Variants in STMN4 observed in about 807,000 individuals in gnomAD.
STMN4 encodes stathmin-4.
Under a neutral mutation model 29.1 loss-of-function variants are expected in STMN4, and 12 were observed. The ratio of observed to expected loss-of-function variants is 0.41; its 90% CI spans 0.26 to 0.67. STMN4 has a LOEUF of 0.67. Ranked by LOEUF, STMN4 falls within the 30% of genes least tolerant of loss-of-function variation. The pLI is 0.30. For synonymous variants in STMN4, 114 were observed against 105.3 expected (o/e 1.08, Z -0.51); for missense variants, 181 against 262.8 (o/e 0.69, Z 2.15).
chr8:27,256,259 A>G (rs1279248145), intron 1 of STMN4, among the ~76,000 whole-genome samples: 1 of 152,210 alleles, frequency 6.6e-6, no homozygotes, highest in African/African-American at 2.4e-5. Context: ...CAGTTTTGCC[A>G]AATGAAAAGA....
At chr8:27,241,533 C>T (rs2130068543) in intron 4 of STMN4, 144 bp downstream of exon 4, 4 of 1,072,222 alleles carry the variant, frequency 3.7e-6, no homozygotes, top group African/African-American at 1.6e-5. Flanking sequence ...GCCTTTGCTT[C>T]CCCCACCAGC....
intron 1 of STMN4, among the ~76,000 whole-genome samples, chr8:27,251,337 T>C (rs1435882916): frequency 1.6e-5 from 2 of 127,714 alleles, no homozygotes; most frequent in Non-Finnish European, 3.4e-5. Flanking sequence ...CGTGTATATA[T>C]ATTATATATA....
intron 1 of STMN4, among the ~76,000 whole-genome samples, chr8:27,251,339 T>A (rs1563421250): frequency 8.6e-6 from 1 of 115,678 alleles, no homozygotes; most frequent in African/African-American, 3.2e-5. Context: ...TGTATATATA[T>A]TATATATATA....
intron 3 of STMN4, 92 bp downstream of exon 3, chr8:27,242,305 G>A: frequency 8.1e-7 from 1 of 1,240,116 alleles, no homozygotes; most frequent in Non-Finnish European, 1.2e-6. Context: ...CGGGAGGAGA[G>A]ATTCACGGGA....
At chr8:27,239,507 C>G in intron 6 of STMN4, 1 of 699,220 alleles carries the variant, frequency 1.4e-6, no homozygotes, top group Non-Finnish European at 2.3e-6. Context: ...GGGTCTGTGT[C>G]AAGAGGTTTA....
intron 1 of STMN4, among the ~76,000 whole-genome samples, chr8:27,249,457 C>G (rs143442440): frequency 6.6e-6 from 1 of 152,142 alleles, no homozygotes; most frequent in Non-Finnish European, 1.5e-5. Context: ...CAGTCCCACA[C>G]GATAAACAAC....
chr8:27,239,489 G>T, intron 6 of STMN4: 1 of 677,778 alleles, frequency 1.5e-6, no homozygotes, highest in Non-Finnish European at 2.4e-6. Flanking sequence ...AAAGACCTGT[G>T]ACTCACTGGG....
chr8:27,251,310 A>ATATATATACGTATATACGTGTATATATAT (rs1801778672), intron 1 of STMN4, among the ~76,000 whole-genome samples: 2 of 141,580 alleles, frequency 1.4e-5, no homozygotes, highest in African/African-American at 2.6e-5. Flanking sequence ...ATATAATATT[A>ATATATATACGTATATACGTGTATATATAT]TATATATACG....
chr8:27,237,289 C>T (rs966895468), intron 6 of STMN4, among the ~76,000 whole-genome samples: 6 of 152,238 alleles, frequency 3.9e-5, no homozygotes, highest in African/African-American at 1.4e-4. Context: ...GCAGAACAGA[C>T]AGGCCTCACT....
intron 1 of STMN4, among the ~76,000 whole-genome samples, chr8:27,255,878 C>A (rs958790546): frequency 3.9e-5 from 6 of 152,220 alleles, no homozygotes; most frequent in African/African-American, 1.4e-4. Context: ...GTCCCTCCAC[C>A]TCTAGTCGAC....
In STMN4 at chr8:27,241,701, C is replaced by A. The variant is rs746279028; in HGVS notation, c.166G>T (p.Asp56Tyr). 3 of 1,614,074 alleles carry A rather than the reference C, an allele frequency of 1.9e-6. No individual in the cohort carries two copies. Among genetic ancestry groups the A allele is most frequent in the Non-Finnish European group, 2.5e-6 (3 of 1,180,036 alleles). The change falls in exon 4 of 7, where the codon GAC becomes TAC. Residue 56 changes from aspartate to tyrosine, a missense_variant. Transcript: ENST00000350889. The part of the protein sequence containing the change: ...KDESQRKDSA[D>Y]WRERRAQADT... ...CCCTGAGCTCTTCTTTCTCTCCAGTCAGCACTGTCTTTCCGCTGGCTTTCA... is the reference window on the plus strand; with the variant it reads ...CCCTGAGCTCTTCTTTCTCTCCAGTAAGCACTGTCTTTCCGCTGGCTTTCA...
At chr8:27,250,115 T>G (rs1801741971) in intron 1 of STMN4, among the ~76,000 whole-genome samples, 1 of 152,212 alleles carries the variant, frequency 6.6e-6, no homozygotes, top group Admixed American at 6.5e-5. Context: ...TCTTTAAGTC[T>G]GTGCCCTATT....
At chr8:27,245,197 A>C (rs1024072234) in intron 1 of STMN4, among the ~76,000 whole-genome samples, 3 of 152,234 alleles carry the variant, frequency 2.0e-5, no homozygotes, top group Non-Finnish European at 4.4e-5. Context: ...AAACCCATGC[A>C]TAGCATCCAG....
intron 1 of STMN4, among the ~76,000 whole-genome samples, chr8:27,244,748 G>A (rs1445931611): frequency 6.6e-6 from 1 of 152,184 alleles, no homozygotes; most frequent in Non-Finnish European, 1.5e-5. Context: ...GTGGAAAGAG[G>A]AGGGGGCGGG....
intron 1 of STMN4, among the ~76,000 whole-genome samples, chr8:27,245,744 TG>T (rs1439818229): frequency 2.0e-5 from 3 of 151,900 alleles, no homozygotes; most frequent in Non-Finnish European, 4.4e-5. Context: ...CCTGAATAGG[TG>T]GAGGGGAGGC....
chr8:27,241,470 G>A (rs1801469499), intron 4 of STMN4, among the ~76,000 whole-genome samples: 3 of 152,208 alleles, frequency 2.0e-5, no homozygotes, highest in Admixed American at 2.0e-4. Flanking sequence ...GCTTCAGCCT[G>A]CAAGAATAGG....
In STMN4 at chr8:27,240,147, G is replaced by T; in HGVS notation, c.415C>A (p.Leu139Ile). The part of the protein sequence containing the change: ...EERRKYQEAE[L>I]LKHLAEKREH... ...CGTTTCTCTGCTAGGTGTTTCAGGAGCTCCGCTTCCTGGTACTGGGGAAGC... is the reference window on the plus strand; with the variant it reads ...CGTTTCTCTGCTAGGTGTTTCAGGATCTCCGCTTCCTGGTACTGGGGAAGC... Residue 139 changes from leucine to isoleucine, a missense_variant, in exon 6 of 7, where the codon CTC (leucine) becomes ATC (isoleucine). Physicochemically the swap from Leu to Ile is conservative, Grantham distance 5. Coordinates refer to ENST00000350889, the MANE Select transcript of STMN4 (RefSeq NM_030795.4). 1 of 1,613,824 alleles carries T rather than the reference G, an allele frequency of 6.2e-7. No homozygotes were observed. Among genetic ancestry groups the T allele is most frequent in the African/African-American group, 1.3e-5 (1 of 74,950 alleles).
chr8:27,248,615 T>C (rs1182342704), intron 1 of STMN4, among the ~76,000 whole-genome samples: 1 of 152,026 alleles, frequency 6.6e-6, no homozygotes, highest in Non-Finnish European at 1.5e-5. Flanking sequence ...TAATAACAAC[T>C]ACCATTCTTG....
Position 27,240,130 on chromosome 8 carries a change from T to C in STMN4, c.432A>G (p.Ala144=), listed in dbSNP as rs1361740390. ...YQEAELLKHL[A]EKREHEREVI... is the part of the protein sequence containing the mutation. ...CCTCTCTCTCATGTTCCCGTTTCTC[T>C]GCTAGGTGTTTCAGGAGCTCCGCTT... is the stretch of plus-strand genomic sequence containing the variant. Residue 144 remains alanine (A), a synonymous_variant, in exon 6 of 7, where the codon GCA becomes GCG. Transcript: ENST00000350889. 6.2e-7 allele frequency: 1 copy of C among 1,614,048 alleles called. No individual in the cohort carries two copies. Among genetic ancestry groups the C allele is most frequent in the African/African-American group, 1.3e-5 (1 of 74,918 alleles).
Sources: gnomAD v4.1 joint callset for allele counts (sites outside exome capture counted in the v4.1 genomes callset) on GRCh38, gnomAD v4.1.1 for gene constraint, MANE v1.5 for transcripts, NCBI Gene and HGNC (gene_info 2026-07-23, HGNC 2026-07-21) for gene names.